Variants in KIAA1328 observed in about 807,000 individuals in gnomAD.
The protein encoded by KIAA1328 is KIAA1328, also known as protein hinderin.
A neutral mutation model predicts 68.1 loss-of-function variants in KIAA1328; 52 were observed. The ratio of observed to expected loss-of-function variants is 0.76; its 90% CI spans 0.61 to 0.96. The LOEUF is 0.96. Ranked by LOEUF, KIAA1328 falls within the 40% of genes least tolerant of loss-of-function variation. The pLI is 0.00. For missense variants in KIAA1328, 641 were observed against 677.6 expected (o/e 0.95, Z 0.60); for synonymous variants, 232 against 239.4 (o/e 0.97, Z 0.28).
chr18:36,968,909 A>T (rs1323094073), intron 6 of KIAA1328, among the ~76,000 whole-genome samples: 2 of 152,232 alleles, frequency 1.3e-5, no homozygotes, highest in Non-Finnish European at 2.9e-5. Flanking sequence ...CAGCAAATGC[A>T]AAAGAACCAA....
chr18:36,995,766 G>A (rs915254587), intron 6 of KIAA1328, among the ~76,000 whole-genome samples: 1 of 152,196 alleles, frequency 6.6e-6, no homozygotes, highest in African/African-American at 2.4e-5. Context: ...AAAAACTCTA[G>A]ATAAATATGC....
intron 6 of KIAA1328, among the ~76,000 whole-genome samples, chr18:37,002,278 A>T (rs2053619121): frequency 8.0e-6 from 1 of 125,328 alleles, no homozygotes. Flanking sequence ...TTGTGATCAT[A>T]GCTCACTGTA....
At chr18:37,104,470 G>C (rs184019880) in intron 7 of KIAA1328, among the ~76,000 whole-genome samples, 2 of 152,316 alleles carry the variant, frequency 1.3e-5, no homozygotes, top group African/African-American at 2.4e-5. Flanking sequence ...AGTTGAGGTA[G>C]AGAGTAGAAT....
intron 7 of KIAA1328, among the ~76,000 whole-genome samples, chr18:37,128,911 GACC>G (rs540427239): frequency 4.6e-3 from 699 of 152,240 alleles, no homozygotes; most frequent in Non-Finnish European, 7.1e-3. Context: ...CAACAAAAAA[GACC>G]ATATATGGTA....
intron 5 of KIAA1328, among the ~76,000 whole-genome samples, chr18:36,905,231 C>T (rs1237041008): frequency 6.6e-6 from 1 of 151,912 alleles, no homozygotes; most frequent in Non-Finnish European, 1.5e-5. Flanking sequence ...CCTGCTTCAG[C>T]CTCCCAAATA....
intron 4 of KIAA1328, among the ~76,000 whole-genome samples, chr18:36,883,984 A>G (rs918728516): frequency 1.3e-5 from 2 of 150,116 alleles, no homozygotes; most frequent in Non-Finnish European, 1.5e-5. Context: ...ACACAGTGTC[A>G]AATATTTATG....
chr18:37,059,738 A>G (rs2056070673), intron 6 of KIAA1328, among the ~76,000 whole-genome samples: 1 of 152,204 alleles, frequency 6.6e-6, no homozygotes, highest in South Asian at 2.1e-4. Flanking sequence ...ACACATGCAT[A>G]TGTATGTTTA....
intron 7 of KIAA1328, among the ~76,000 whole-genome samples, chr18:37,088,710 G>A (rs2057178212): frequency 6.6e-6 from 1 of 151,760 alleles, no homozygotes; most frequent in African/African-American, 2.4e-5. Flanking sequence ...CTCATCATCT[G>A]GAGGTAATCT....
rs140214907 is a variant in KIAA1328 at position 36,973,254 on chromosome 18, C to T, written c.576+13819C>T. On this transcript the variant is annotated intron_variant, in intron 6 of 9. Transcript: ENST00000280020. ...AAACCAAACTCCGCATGTTCTCACT[C>T]ATAGGTGGGAATTGAACAATGAGAA... Among the ~76,000 whole-genome samples the T allele has an allele frequency of 5.8e-3, 875 of 151,460 alleles. 10 individuals carry two copies. The highest frequency in any genetic ancestry group is 0.02 in the African/African-American group (843 of 41,226).
At chr18:37,121,098 T>G (rs1568433593) in intron 7 of KIAA1328, among the ~76,000 whole-genome samples, 1 of 152,098 alleles carries the variant, frequency 6.6e-6, no homozygotes, top group Non-Finnish European at 1.5e-5. Flanking sequence ...GCTGGATTTT[T>G]AAAGTTTTAG....
intron 6 of KIAA1328, among the ~76,000 whole-genome samples, chr18:37,038,018 G>A (rs555647663): frequency 4.6e-5 from 7 of 152,102 alleles, no homozygotes; most frequent in South Asian, 2.1e-4. Context: ...GCAGAATGGC[G>A]TGAACCCAGG....
intron 1 of KIAA1328, chr18:36,833,114 T>G (rs1049021606): frequency 1.3e-5 from 2 of 152,206 alleles, no homozygotes; most frequent in Non-Finnish European, 2.9e-5. Context: ...AGTGCTGGGA[T>G]TACAGACGTG....
intron 7 of KIAA1328, among the ~76,000 whole-genome samples, chr18:37,090,222 C>T (rs1236129882): frequency 6.6e-6 from 1 of 152,050 alleles, no homozygotes; most frequent in Non-Finnish European, 1.5e-5. Flanking sequence ...CTTAATGCCT[C>T]ACTTAAGTTT....
intron 9 of KIAA1328, among the ~76,000 whole-genome samples, chr18:37,216,352 T>A (rs2060432900): frequency 6.6e-6 from 1 of 152,236 alleles, no homozygotes; most frequent in African/African-American, 2.4e-5. Flanking sequence ...CATGTCTTTG[T>A]TCTCGTTGGT....
chr18:37,046,273 T>C, intron 6 of KIAA1328, among the ~76,000 whole-genome samples: 1 of 152,212 alleles, frequency 6.6e-6, no homozygotes, highest in Non-Finnish European at 1.5e-5. Flanking sequence ...TTGAGAAAAA[T>C]GACTAACTCA....
At chr18:37,063,387 A>G (rs1196943258) in intron 6 of KIAA1328, among the ~76,000 whole-genome samples, 1 of 152,184 alleles carries the variant, frequency 6.6e-6, no homozygotes, top group Non-Finnish European at 1.5e-5. Flanking sequence ...ACCTGATTAG[A>G]TCAAGCACAC....
intron 5 of KIAA1328, among the ~76,000 whole-genome samples, chr18:36,949,407 G>C (rs985257447): frequency 5.1e-4 from 77 of 152,152 alleles, no homozygotes; most frequent in African/African-American, 1.8e-3. Flanking sequence ...TGGTCCATCT[G>C]GCACATTGAT....
intron 5 of KIAA1328, chr18:36,901,830 G>A (rs2049049381): frequency 1.3e-5 from 2 of 152,012 alleles, no homozygotes; most frequent in Admixed American, 1.3e-4. Flanking sequence ...TTGGATAGAA[G>A]TGTTATTTGG....
chr18:37,151,637 A>G (rs2059032146), intron 7 of KIAA1328, among the ~76,000 whole-genome samples: 1 of 152,154 alleles, frequency 6.6e-6, no homozygotes. Context: ...TCATATGCTC[A>G]ACTGTTTTTT....
Sources: gnomAD v4.1 joint callset for allele counts (sites outside exome capture counted in the v4.1 genomes callset) on GRCh38, gnomAD v4.1.1 for gene constraint, MANE v1.5 for transcripts, NCBI Gene and HGNC (gene_info 2026-07-23, HGNC 2026-07-21) for gene names.